The following SESN1 variants were observed in gnomAD, a reference collection of about 807,000 sequenced individuals.
SESN1 encodes the protein sestrin 1.
SESN1 carries 30 observed loss-of-function variants against 59.3 expected under a neutral mutation model. That is an observed-to-expected ratio of 0.51 (90% CI 0.38 to 0.69). The LOEUF (loss-of-function observed/expected upper bound fraction) is 0.69. SESN1 is among the 30% of genes least tolerant of loss of function. The pLI, the probability that SESN1 is intolerant of heterozygous loss-of-function variation, is 0.00. For synonymous variants in SESN1, 197 were observed against 219.9 expected (o/e 0.90, Z 0.92); for missense variants, 566 against 673.0 (o/e 0.84, Z 1.76).
chr6:109,091,747 C>T (rs1475274738), intron 1 of SESN1, among the ~76,000 whole-genome samples: 2 of 152,164 alleles, frequency 1.3e-5, no homozygotes, highest in Non-Finnish European at 2.9e-5. Context: ...AAAATTGTTA[C>T]CACTGGTCCT....
At chr6:109,031,630 T>C (rs1780183599) in intron 1 of SESN1, among the ~76,000 whole-genome samples, 1 of 152,198 alleles carries the variant, frequency 6.6e-6, no homozygotes. Context: ...GCAGCACTTA[T>C]CTCTAAGCAC....
intron 1 of SESN1, among the ~76,000 whole-genome samples, chr6:109,086,420 A>C (rs544140770): frequency 6.6e-6 from 1 of 152,334 alleles, no homozygotes; most frequent in East Asian, 1.9e-4. Context: ...CAAAGTTTCA[A>C]CAATCCTTAA....
chr6:109,084,300 C>T (rs1781174167), intron 1 of SESN1, among the ~76,000 whole-genome samples: 1 of 152,176 alleles, frequency 6.6e-6, no homozygotes, highest in Admixed American at 6.5e-5. Context: ...GTGGCTCACG[C>T]CTGTAATCCT....
chr6:109,057,856 C>T (rs1780662093), intron 1 of SESN1, among the ~76,000 whole-genome samples: 1 of 152,042 alleles, frequency 6.6e-6, no homozygotes, highest in Admixed American at 6.5e-5. Flanking sequence ...TCATATAATC[C>T]ATAGGAAAAT....
At position 108,987,411 on chromosome 6, in the gene SESN1, G is replaced by T; in HGVS notation, c.*133C>A. On this transcript the variant is annotated 3_prime_UTR_variant, in exon 10 of 10. Coordinates refer to ENST00000436639, the MANE Select transcript of SESN1 (RefSeq NM_014454.3). Reference sequence around the variant, plus strand: ...AGTGGTTTTCCACAGAAAAATAGCAGAAACTAAAGGAATCATGGCACAATG... The same window carrying T: ...AGTGGTTTTCCACAGAAAAATAGCATAAACTAAAGGAATCATGGCACAATG... 1.8e-6 allele frequency: 1 copy of T among 547,384 alleles called. No individual in the cohort carries two copies. The allele number at this position is 547,384 out of a possible 1,614,324, so 33.9% of individuals were successfully genotyped here.
chr6:109,092,576 C>G (rs555302997), intron 1 of SESN1, among the ~76,000 whole-genome samples: 1 of 152,278 alleles, frequency 6.6e-6, no homozygotes, highest in African/African-American at 2.4e-5. Context: ...AAATTACACA[C>G]AAAAATACAA....
chr6:108,992,978 G>T, intron 6 of SESN1, 79 bp from the exon 7 acceptor site: 2 of 865,642 alleles, frequency 2.3e-6, no homozygotes, highest in Non-Finnish European at 3.8e-6. Flanking sequence ...AGTAAAAATG[G>T]CATAACTCTT....
intron 1 of SESN1, among the ~76,000 whole-genome samples, chr6:109,060,122 TAC>T (rs139094576): frequency 4.9e-4 from 73 of 149,406 alleles, no homozygotes; most frequent in Middle Eastern, 3.4e-3. Flanking sequence ...TACACACACG[TAC>T]ACACACACAC....
At position 109,006,336 on chromosome 6, in the gene SESN1, A is replaced by C. The variant is rs533968627; in HGVS notation, c.280-3993T>G. Among the ~76,000 whole-genome samples the C allele has an allele frequency of 2.1e-3, 324 of 152,156 alleles. 2 individuals are homozygous for C. Among genetic ancestry groups the C allele is most frequent in the African/African-American group, 7.4e-3 (306 of 41,496 alleles). On this transcript the variant is annotated intron_variant, in intron 1 of 9. Coordinates refer to ENST00000436639, the MANE Select transcript of SESN1 (RefSeq NM_014454.3). ...AATTATACTTTAAGTTCTAGGGTACATGTGCACAATGTGCAGGTTTGTTAC... is the reference window on the plus strand; with the variant it reads ...AATTATACTTTAAGTTCTAGGGTACCTGTGCACAATGTGCAGGTTTGTTAC...
intron 1 of SESN1, among the ~76,000 whole-genome samples, chr6:109,026,572 C>A (rs1335101955): frequency 6.6e-6 from 1 of 152,098 alleles, no homozygotes; most frequent in Admixed American, 6.5e-5. Flanking sequence ...TCTCGGCTCA[C>A]TGCAACCTTC....
chr6:109,012,068 A>G (rs927158650), intron 1 of SESN1, among the ~76,000 whole-genome samples: 2 of 152,190 alleles, frequency 1.3e-5, no homozygotes, highest in African/African-American at 4.8e-5. Flanking sequence ...TGCTCCTCTC[A>G]ACCTCTAGGG....
chr6:109,071,877 G>T (rs1244662132), intron 1 of SESN1, among the ~76,000 whole-genome samples: 1 of 152,164 alleles, frequency 6.6e-6, no homozygotes, highest in East Asian at 1.9e-4. Context: ...TTAACATGCA[G>T]CAGGTCACTC....
intron 9 of SESN1, among the ~76,000 whole-genome samples, chr6:108,988,184 T>A (rs1779253276): frequency 6.6e-6 from 1 of 152,212 alleles, no homozygotes; most frequent in Non-Finnish European, 1.5e-5. Context: ...AGACACTGTT[T>A]TATCAGAATA....
At chr6:109,085,393 C>A (rs1781195846) in intron 1 of SESN1, among the ~76,000 whole-genome samples, 1 of 152,126 alleles carries the variant, frequency 6.6e-6, no homozygotes, top group South Asian at 2.1e-4. Context: ...GTGGCGGGCA[C>A]CTGTAGTCCC....
rs149811413 is a variant in SESN1, at chr6:109,075,000, A to T, written c.279+18795T>A. On this transcript the variant is annotated intron_variant, in intron 1 of 9. Transcript: ENST00000436639. ...CCAGGCAGGCCTCTCCCACTGAGGC[A>T]TGGTGAGCCCCACCTAGTGAGGGGG... 8.7e-3 allele frequency among the ~76,000 whole-genome samples: 1,320 copies of T among 152,352 alleles called. 23 individuals carry two copies. Among genetic ancestry groups the T allele is most frequent in the African/African-American group, 0.03 (1,252 of 41,586 alleles).
At chr6:109,090,748 G>A (rs909639531) in intron 1 of SESN1, 2 of 152,184 alleles carry the variant, frequency 1.3e-5, no homozygotes, top group African/African-American at 4.8e-5. Flanking sequence ...AGAAGAGGCA[G>A]GCATACTCAA....
Position 109,078,260 on chromosome 6 carries a change from T to C in SESN1, c.279+15535A>G, listed in dbSNP as rs146261452. On this transcript the variant is annotated intron_variant, in intron 1 of 9. Coordinates refer to ENST00000436639, the MANE Select transcript of SESN1 (RefSeq NM_014454.3). ...GGCTGGGTGCAGTGGTGTGCATCTG[T>C]AGTCCCAGCTACTTAAGAGGCTGAG... Among the ~76,000 whole-genome samples, 76 of 152,252 alleles carry C rather than the reference T, an allele frequency of 5.0e-4. 1 individual carries two copies. The highest frequency in any genetic ancestry group is 1.8e-3 in the African/African-American group (73 of 41,558).
chr6:109,052,232 A>T (rs1192556585), intron 1 of SESN1, among the ~76,000 whole-genome samples: 2 of 152,248 alleles, frequency 1.3e-5, no homozygotes, highest in Non-Finnish European at 2.9e-5. Flanking sequence ...GTAGTTGCTC[A>T]GTAAATAATT....
intron 1 of SESN1, among the ~76,000 whole-genome samples, chr6:109,039,913 G>A (rs973224241): frequency 2.0e-5 from 3 of 152,176 alleles, no homozygotes; most frequent in South Asian, 2.1e-4. Context: ...ACAGTCAAGG[G>A]GGATTATTTC....
Sources: allele counts gnomAD v4.1 joint callset (sites outside exome capture counted in the v4.1 genomes callset), GRCh38; gene constraint gnomAD v4.1.1; transcripts MANE v1.5; gene names NCBI Gene and HGNC (gene_info 2026-07-23, HGNC 2026-07-21).